OTOG: variants seen among roughly 807,000 people sequenced by gnomAD.
OTOG encodes otogelin.
OTOG carries 296 observed loss-of-function variants against 313.8 expected under a neutral mutation model. That is an observed-to-expected ratio of 0.94 (90% CI 0.86 to 1.04). OTOG has a LOEUF of 1.04. OTOG is among the 50% of genes least tolerant of loss of function. The pLI is 0.00. For synonymous variants in OTOG, 1,533 were observed against 1,554.9 expected, an observed-to-expected ratio of 0.99 and a Z score of 0.33; for missense variants, 3,948 against 3,840.1, an observed-to-expected ratio of 1.03 and a Z score of -0.74.
rs1852076889 is a variant in OTOG, at chr11:17,557,271, G to A, written c.813G>A (p.Gly271=). 1 of 1,550,676 alleles carries A rather than the reference G, an allele frequency of 6.4e-7. No individual in the cohort carries two copies. Among genetic ancestry groups the A allele is most frequent in the Admixed American group, 2.0e-5 (1 of 51,008 alleles). Residue 271 remains glycine (G), a synonymous_variant, in exon 8 of 56, where the codon GGG becomes GGA. Transcript: ENST00000399397. The part of the protein sequence containing the change: ...MSPELLGWTH[G]LCGNNNADPK... ...CAGAGCTTCTGGGCTGGACCCATGGGCTGTGTGGGAACAACAATGCTGACC... is the reference window on the plus strand; with the variant it reads ...CAGAGCTTCTGGGCTGGACCCATGGACTGTGTGGGAACAACAATGCTGACC...
At position 17,557,314 on chromosome 11, in the gene OTOG, A is replaced by G. The variant is rs1247690900; in HGVS notation, c.856A>G (p.Thr286Ala). The G allele has an allele frequency of 6.5e-7, 1 of 1,550,164 alleles. No homozygotes were observed. Among genetic ancestry groups the G allele is most frequent in the Non-Finnish European group, 8.7e-7 (1 of 1,146,898 alleles). ...TGCTGACCCCAAGGATGATCTGGTGACCAGCTCTGGTGAGGGTCAGACAGG... is the reference window on the plus strand; with the variant it reads ...TGCTGACCCCAAGGATGATCTGGTGGCCAGCTCTGGTGAGGGTCAGACAGG... ...NNADPKDDLV[T>A]SSGKLTDDVV... The change falls in exon 8 of 56, where the codon ACC becomes GCC. Residue 286 changes from threonine (T) to alanine (A), a missense_variant. By Grantham distance (58) the Thr-to-Ala change is moderately conservative (BLOSUM62 0). Transcript: ENST00000399397.
At position 17,605,909 on chromosome 11, in the gene OTOG, C is replaced by T. The variant is rs757220206; in HGVS notation, c.3930C>T (p.His1310=). 39 of 1,550,278 alleles carry T rather than the reference C, an allele frequency of 2.5e-5. No homozygotes were observed. Among genetic ancestry groups the T allele is most frequent in the Middle Eastern group, 1.7e-4 (1 of 6,012 alleles). The change falls in exon 33 of 56, where the codon CAC becomes CAT. Residue 1310 remains histidine, a synonymous_variant. Transcript: ENST00000399397. ...EAADRPNFFL[H]VTANGSLELA... ...CAGACAGACCCAACTTCTTCCTTCA[C>T]GTCACAGCCAACGGGTCTCTGGAGC...
chr11:17,609,858 G>A lies in OTOG; in HGVS notation c.4558G>A (p.Val1520Met). The change falls in exon 36 of 56, where the codon GTG (valine) becomes ATG (methionine). Residue 1520 changes from valine (V) to methionine (M), a missense_variant. Transcript: ENST00000399397. ...ACCAGTGACAGCCACTGAGGAGCCA[G>A]TGGTGTCTCCAGGCCCCACCCAGAC... ...NPPVTATEEP[V>M]VSPGPTQTTL... is the part of the protein sequence containing the mutation. The A allele has an allele frequency of 2.0e-6, 3 of 1,518,104 alleles. No individual in the cohort carries two copies. Among genetic ancestry groups the A allele is most frequent in the Non-Finnish European group, 2.7e-6 (3 of 1,127,154 alleles). 94.0% of individuals were successfully genotyped at this position (1,518,104 alleles called of 1,614,324 possible). A position where few individuals can be genotyped will look rare whatever the true frequency, so the allele number is the denominator to read the frequency against.
At chr11:17,572,940 A>G (rs892074273) in intron 18 of OTOG, 138 bp from the exon 19 acceptor site, 16 of 806,646 alleles carry the variant, frequency 2.0e-5, no homozygotes, top group Non-Finnish European at 2.8e-5. Flanking sequence ...CCAGCTGTAC[A>G]CTGAAGTAGC....
intron 15 of OTOG, among the ~76,000 whole-genome samples, chr11:17,566,080 T>C (rs768594571): frequency 9.2e-5 from 14 of 152,152 alleles, no homozygotes; most frequent in Non-Finnish European, 1.6e-4. Context: ...GAAATACCCT[T>C]ATTATCTGTG....
intron 20 of OTOG, 42 bp downstream of exon 20, chr11:17,574,954 A>G: frequency 2.8e-6 from 4 of 1,446,102 alleles, no homozygotes; most frequent in Non-Finnish European, 3.7e-6. Flanking sequence ...TGGGAAGGTG[A>G]GGCCAGGGGT....
Position 17,609,138 on chromosome 11 carries a change from G to T in OTOG, c.4283G>T (p.Gly1428Val). The T allele has an allele frequency of 6.4e-7, 1 of 1,550,484 alleles. No homozygotes were observed. Among genetic ancestry groups the T allele is most frequent in the Non-Finnish European group, 8.7e-7 (1 of 1,146,864 alleles). Reference protein sequence around the residue: ...ASCRDVPRVEGCVPVCPTPQV... With the variant: ...ASCRDVPRVEVCVPVCPTPQV... ...CCCTGCTCTGTCCTCAGGGTAGAAG[G>T]CTGTGTCCCTGTGTGCCCCACCCCC... The change falls in exon 35 of 56, where the codon GGC (glycine) becomes GTC (valine). Residue 1428 changes from glycine (G) to valine (V), a missense_variant. Gly to Val is a moderately radical substitution (Grantham distance 109, BLOSUM62 -3). Transcript: ENST00000399397.
rs528476168 is a variant in OTOG, at chr11:17,634,743, G to A, written c.7481-101G>A. The A allele has an allele frequency of 5.1e-5, 50 of 973,850 alleles. No homozygotes were observed. In the East Asian group the frequency reaches 1.3e-3, roughly 25 times the overall value. 60.3% of individuals were successfully genotyped at this position (973,850 alleles called of 1,614,324 possible). A position where few individuals can be genotyped will look rare whatever the true frequency, so the allele number is the denominator to read the frequency against. On this transcript the variant is annotated intron_variant, in intron 44 of 55. Transcript: ENST00000399397. The stretch of plus-strand genomic sequence containing the variant: ...CCTGGGGGCTGGGGGGAGGAGTGGG[G>A]CCAGGCGTCCAGGGGTTGGGCAGTT...
chr11:17,594,184 G>T lies in OTOG; in HGVS notation c.3408+18G>T. 2 of 1,550,596 alleles carry T rather than the reference G, an allele frequency of 1.3e-6. No individual in the cohort carries two copies. The highest frequency in any genetic ancestry group is 1.7e-6 in the Non-Finnish European group (2 of 1,146,996). ...CAGTTGAGGTAAAGCCTCTCTTCCA[G>T]GCTGGCTTATGCCCCTCACTCAGAT... is the stretch of plus-strand genomic sequence containing the variant. On this transcript the variant is annotated intron_variant, in intron 28 of 55. Coordinates refer to ENST00000399397, the MANE Select transcript of OTOG (RefSeq NM_001292063.2).
At chr11:17,564,373 A>T (rs1161361648) in intron 15 of OTOG, among the ~76,000 whole-genome samples, 1 of 152,222 alleles carries the variant, frequency 6.6e-6, no homozygotes, top group Non-Finnish European at 1.5e-5. Context: ...CTCATGACAG[A>T]AGTGGCATTT....
At position 17,610,068 on chromosome 11, in the gene OTOG, A is replaced by T. The variant is rs1590040081; in HGVS notation, c.4768A>T (p.Arg1590Trp). Residue 1590 changes from arginine (R) to tryptophan (W), a missense_variant, in exon 36 of 56, where the codon AGG (arginine) becomes TGG (tryptophan). By Grantham distance (101) the Arg-to-Trp change is moderately radical (BLOSUM62 -3). Transcript: ENST00000399397. ...GMVSGAMETTRVTVIFAGSPN... is the reference protein window; with the variant it reads ...GMVSGAMETTWVTVIFAGSPN... ...GGTGTCAGGTGCCATGGAGACAACAAGGGTGACTGTGATCTTTGCAGGAAG... is the reference window on the plus strand; with the variant it reads ...GGTGTCAGGTGCCATGGAGACAACATGGGTGACTGTGATCTTTGCAGGAAG... The T allele has an allele frequency of 6.4e-7, 1 of 1,550,530 alleles. No individual in the cohort carries two copies. Among genetic ancestry groups the T allele is most frequent in the South Asian group, 1.2e-5 (1 of 84,052 alleles).
At chr11:17,605,737 C>T in intron 32 of OTOG, 120 bp from the exon 33 acceptor site, 1 of 1,134,202 alleles carries the variant, frequency 8.8e-7, no homozygotes, top group Non-Finnish European at 1.2e-6. Flanking sequence ...GCAGGGCCTG[C>T]TGGTCTGCAG....
rs560725852 is a variant in OTOG at position 17,632,212 on chromosome 11, G to T, written c.7058G>T (p.Arg2353Leu). 7.4e-5 allele frequency: 114 copies of T among 1,550,558 alleles called. 1 individual carries two copies. In the South Asian group the frequency reaches 1.2e-3, roughly 17 times the overall value. The change falls in exon 42 of 56, where the codon CGC becomes CTC. Residue 2353 changes from arginine (R) to leucine (L), a missense_variant. Coordinates refer to ENST00000399397, the MANE Select transcript of OTOG (RefSeq NM_001292063.2). ...TTTCATGTGTGCATCGAGTGGCGGC[G>T]CTCTGACTACTGCCGTGAGTTTGCG... ...HKFHVCIEWR[R>L]SDYCPFLCSS... is the part of the protein sequence containing the mutation.
At chr11:17,551,253 G>A (rs886777506) in intron 3 of OTOG, among the ~76,000 whole-genome samples, 1 of 152,210 alleles carries the variant, frequency 6.6e-6, no homozygotes, top group Admixed American at 6.5e-5. Flanking sequence ...GTCTCGGACT[G>A]GAGTTCTGAG....
chr11:17,630,559 C>T (rs1854097446), intron 40 of OTOG, among the ~76,000 whole-genome samples: 1 of 152,176 alleles, frequency 6.6e-6, no homozygotes, highest in Non-Finnish European at 1.5e-5. Context: ...TTTGAATGAA[C>T]ATTTGACAGC....
chr11:17,634,174 C>G lies in OTOG; in HGVS notation c.7373C>G (p.Pro2458Arg). 4.5e-6 allele frequency: 7 copies of G among 1,550,266 alleles called. No homozygotes were observed. The highest frequency in any genetic ancestry group is 1.4e-5 in the African/African-American group (1 of 73,134). The change falls in exon 44 of 56, where the codon CCG (proline) becomes CGG (arginine). Residue 2458 changes from proline to arginine, a missense_variant. Physicochemically the swap from Pro to Arg is moderately radical, Grantham distance 103. Transcript: ENST00000399397. Reference protein sequence around the residue: ...HQCQAPDTIVPVDLGCPSPRP... With the variant: ...HQCQAPDTIVRVDLGCPSPRP... ...TGCCAAGCCCCAGACACCATTGTCC[C>G]GGTGGATCTGGGCTGCCCCAGTCCC...
rs1200468817 is a variant in OTOG, at chr11:17,574,929, G to C, written c.2486+17G>C. 3 of 1,478,836 alleles carry C rather than the reference G, an allele frequency of 2.0e-6. No individual in the cohort carries two copies. Among genetic ancestry groups the C allele is most frequent in the Non-Finnish European group, 2.7e-6 (3 of 1,109,090 alleles). 91.6% of individuals were successfully genotyped at this position (1,478,836 alleles called of 1,614,324 possible). On this transcript the variant is annotated intron_variant, in intron 20 of 55. Transcript: ENST00000399397. ...TGTCCCCCGGTGAGTGGGTCAGCTT[G>C]ATCTCTGAGTTGGGTGGGAAGGTGA...
At chr11:17,577,020 T>A in intron 22 of OTOG, 109 bp downstream of exon 22, 1 of 1,114,226 alleles carries the variant, frequency 9.0e-7, no homozygotes, top group Non-Finnish European at 1.3e-6. Context: ...GGTTTTGCCC[T>A]ACATTGGGCC....
chr11:17,593,861 C>G, intron 27 of OTOG, 105 bp downstream of exon 27: 1 of 1,441,042 alleles, frequency 6.9e-7, no homozygotes, highest in Non-Finnish European at 9.4e-7. Flanking sequence ...AAGAGCATGC[C>G]TCTGTTCTCT....
Sources: allele counts gnomAD v4.1 joint callset (sites outside exome capture counted in the v4.1 genomes callset), GRCh38; gene constraint gnomAD v4.1.1; transcripts MANE v1.5; gene names NCBI Gene and HGNC (gene_info 2026-07-23, HGNC 2026-07-21).